Variants in CTNNA3 observed in about 807,000 individuals in gnomAD.
CTNNA3 encodes the protein catenin alpha 3.
In CTNNA3, 76 loss-of-function variants were observed where a neutral mutation model predicts 95.7. The observed-to-expected ratio is 0.79, with a 90% CI of 0.66 to 0.96. The LOEUF (loss-of-function observed/expected upper bound fraction) is 0.96, where lower values mean the gene tolerates loss of function less well. CTNNA3 is among the 40% of genes least tolerant of loss of function. The pLI is 0.00. For missense variants in CTNNA3, 1,191 were observed against 1,089.8 expected (o/e 1.09, Z -1.31); for synonymous variants, 431 against 374.4 (o/e 1.15, Z -1.74).
chr10:67,726,057 A>G (rs970493601), intron 1 of CTNNA3, among the ~76,000 whole-genome samples: 1 of 128,480 alleles, frequency 7.8e-6, no homozygotes, highest in East Asian at 2.1e-4. Flanking sequence ...AATTATTAAT[A>G]TAAAAAATAA....
chr10:66,513,044 C>G (rs769932095), intron 11 of CTNNA3, among the ~76,000 whole-genome samples: 10 of 152,096 alleles, frequency 6.6e-5, no homozygotes, highest in Non-Finnish European at 1.3e-4. Flanking sequence ...AGATGATTAT[C>G]TCCCAAGAGT....
At chr10:67,484,159 C>A (rs1464626377) in intron 5 of CTNNA3, among the ~76,000 whole-genome samples, 3 of 152,070 alleles carry the variant, frequency 2.0e-5, no homozygotes, top group Non-Finnish European at 2.9e-5. Context: ...GAATAGAGAG[C>A]CCAGAATCAA....
At chr10:67,267,225 A>G (rs905218708) in intron 5 of CTNNA3, among the ~76,000 whole-genome samples, 2 of 152,246 alleles carry the variant, frequency 1.3e-5, no homozygotes. Flanking sequence ...TATGTGATTC[A>G]GAGTAAAAAA....
chr10:66,538,934 T>C (rs963325581), intron 10 of CTNNA3, among the ~76,000 whole-genome samples: 15 of 152,296 alleles, frequency 9.8e-5, no homozygotes, highest in African/African-American at 3.6e-4. Context: ...TTCTAACTTA[T>C]CAGTATCATT....
chr10:66,563,017 A>T (rs1259159223), intron 10 of CTNNA3, among the ~76,000 whole-genome samples: 1 of 152,126 alleles, frequency 6.6e-6, no homozygotes, highest in African/African-American at 2.4e-5. Context: ...TGAATACATC[A>T]TCAATTCCTA....
intron 13 of CTNNA3, among the ~76,000 whole-genome samples, chr10:66,265,615 G>A (rs139320833): frequency 1.3e-5 from 2 of 152,048 alleles, no homozygotes; most frequent in Admixed American, 1.3e-4. Flanking sequence ...GGTATAACAA[G>A]CAATTCCAAA....
At chr10:67,249,566 CCGTA>C (rs1441369211) in intron 5 of CTNNA3, among the ~76,000 whole-genome samples, 1 of 141,008 alleles carries the variant, frequency 7.1e-6, no homozygotes, top group African/African-American at 3.1e-5. Flanking sequence ...TAACTTTCTA[CCGTA>C]TGTATTACCG....
intron 5 of CTNNA3, among the ~76,000 whole-genome samples, chr10:67,484,678 G>C (rs1209402575): frequency 1.3e-5 from 2 of 152,028 alleles, no homozygotes; most frequent in African/African-American, 4.8e-5. Context: ...AAGACATACA[G>C]GTGGCCAACA....
intron 9 of CTNNA3, among the ~76,000 whole-genome samples, chr10:66,675,425 A>G (rs1846819311): frequency 1.3e-5 from 2 of 152,078 alleles, no homozygotes; most frequent in Non-Finnish European, 2.9e-5. Flanking sequence ...GCTGGAAATT[A>G]TATTTTGGAT....
chr10:66,894,623 T>C (rs560746594), intron 7 of CTNNA3, among the ~76,000 whole-genome samples: 2 of 152,222 alleles, frequency 1.3e-5, no homozygotes, highest in South Asian at 4.1e-4. Flanking sequence ...TAGGAGTCTA[T>C]ATACTTACTG....
In CTNNA3 at chr10:65,920,493, C is replaced by G; in HGVS notation, c.2525G>C (p.Arg842Pro). 1.2e-6 allele frequency: 2 copies of G among 1,614,050 alleles called. No individual in the cohort carries two copies. Among genetic ancestry groups the G allele is most frequent in the Non-Finnish European group, 1.7e-6 (2 of 1,180,016 alleles). The change falls in exon 18 of 18, where the codon CGG (arginine) becomes CCG (proline). Residue 842 changes from arginine to proline, a missense_variant. Transcript: ENST00000433211. ...CATTCTCCACATCACAACTGGGTGC[C>G]GGGGCCCAGCAGGACTCTGGATTCG... ...IIRIQSPAGP[R>P]HPVVMWRMKA...
In CTNNA3 at chr10:66,600,952, A is replaced by C. The variant is rs910421228; in HGVS notation, c.1374+20740T>G. Among the ~76,000 whole-genome samples, 88 of 151,920 alleles carry C rather than the reference A, an allele frequency of 5.8e-4. 1 individual carries two copies. The highest frequency in any genetic ancestry group is 1.9e-3 in the African/African-American group (80 of 41,414). On this transcript the variant is annotated intron_variant, in intron 10 of 17. Coordinates refer to ENST00000433211, the MANE Select transcript of CTNNA3 (RefSeq NM_013266.4). ...TTAAACTCTGATGAAATAATTCTAA[A>C]ACCAAGAAAATTATTAGTGTTCAAA...
intron 13 of CTNNA3, among the ~76,000 whole-genome samples, chr10:66,218,665 T>TTA (rs1383550058): frequency 1.3e-5 from 2 of 152,210 alleles, no homozygotes; most frequent in Non-Finnish European, 2.9e-5. Flanking sequence ...AAGTTTTGTG[T>TTA]TATTTGTTAC....
intron 5 of CTNNA3, among the ~76,000 whole-genome samples, chr10:67,331,271 C>A (rs1241267405): frequency 6.6e-6 from 1 of 152,104 alleles, no homozygotes; most frequent in African/African-American, 2.4e-5. Context: ...AAATGATTAT[C>A]TTACTTCAAC....
chr10:66,132,915 G>T (rs2083184132), intron 13 of CTNNA3, among the ~76,000 whole-genome samples: 1 of 152,180 alleles, frequency 6.6e-6, no homozygotes, highest in Non-Finnish European at 1.5e-5. Flanking sequence ...GACGGTGGCA[G>T]GAGGGAGAGG....
intron 5 of CTNNA3, among the ~76,000 whole-genome samples, chr10:67,387,226 T>C (rs1589240198): frequency 1.3e-5 from 2 of 151,564 alleles, no homozygotes; most frequent in South Asian, 2.1e-4. Context: ...CGAAGCAGGG[T>C]GAGGCATTGC....
chr10:66,566,009 C>G (rs1331511450), intron 10 of CTNNA3, among the ~76,000 whole-genome samples: 1 of 152,056 alleles, frequency 6.6e-6, no homozygotes, highest in Admixed American at 6.5e-5. Context: ...AGGTTGAAAC[C>G]AGAACGCTAA....
At chr10:66,694,434 C>G (rs995644480) in intron 9 of CTNNA3, among the ~76,000 whole-genome samples, 2 of 152,116 alleles carry the variant, frequency 1.3e-5, no homozygotes, top group African/African-American at 4.8e-5. Flanking sequence ...TCTCTGAATA[C>G]ACCAATAACA....
At position 66,255,572 on chromosome 10, in the gene CTNNA3, T is replaced by C. The variant is rs538317210; in HGVS notation, c.1884+24898A>G. On this transcript the variant is annotated intron_variant, in intron 13 of 17. Transcript: ENST00000433211. ...TGATCCTTCCATTTGCCTCTCACAC[T>C]CTCCTCATCCTGCTCCCACTTTACC... is the stretch of plus-strand genomic sequence containing the variant. 3.9e-5 allele frequency among the ~76,000 whole-genome samples: 6 copies of C among 152,202 alleles called. No individual in the cohort carries two copies. The South Asian group carries it at 1.2e-3, about 32-fold the overall frequency.
Sources: gnomAD v4.1 joint callset for allele counts (sites outside exome capture counted in the v4.1 genomes callset) on GRCh38, gnomAD v4.1.1 for gene constraint, MANE v1.5 for transcripts, NCBI Gene and HGNC (gene_info 2026-07-23, HGNC 2026-07-21) for gene names.